The following IL1RAPL2 variants were observed in gnomAD, a reference collection of about 807,000 sequenced individuals.
IL1RAPL2 encodes interleukin 1 receptor accessory protein like 2.
Under a neutral mutation model 44.1 loss-of-function variants are expected in IL1RAPL2, and 3 were observed. The ratio of observed to expected loss-of-function variants is 0.07; its 90% confidence interval spans 0.03 to 0.18. The LOEUF (loss-of-function observed/expected upper bound fraction) is 0.18. Ranked by LOEUF, IL1RAPL2 falls within the 10% of genes least tolerant of loss-of-function variation. The pLI is 1.00. For synonymous variants in IL1RAPL2, 181 were observed against 178.8 expected, an observed-to-expected ratio of 1.01 and a Z score of -0.10; for missense variants, 391 against 496.4, an observed-to-expected ratio of 0.79 and a Z score of 2.02.
At chrX:105,337,832 A>G (rs2035040282) in intron 5 of IL1RAPL2, among the ~76,000 whole-genome samples, 1 of 110,875 alleles carries the variant, frequency 9.0e-6, no homozygotes, top group South Asian at 3.9e-4. Flanking sequence ...CAGAGCTTGC[A>G]GTGAGCCGAG....
intron 2 of IL1RAPL2, among the ~76,000 whole-genome samples, chrX:105,165,999 T>G (rs1040303616): frequency 1.8e-5 from 2 of 111,852 alleles, no homozygotes; most frequent in African/African-American, 6.5e-5. Context: ...TCCTTGAATT[T>G]GAATATTGGC....
intron 2 of IL1RAPL2, among the ~76,000 whole-genome samples, chrX:104,696,987 G>A (rs1041698055): frequency 1.8e-5 from 2 of 112,299 alleles, no homozygotes; most frequent in Non-Finnish European, 3.8e-5. Flanking sequence ...CTTGATATGT[G>A]AATATCTGGA....
intron 2 of IL1RAPL2, among the ~76,000 whole-genome samples, chrX:104,957,266 G>C (rs781159619): frequency 0.083 from 2 of 24 alleles, no homozygotes; most frequent in South Asian, 0.67. Context: ...AGTGAGCTTG[G>C]AAATCCTCAG....
In IL1RAPL2 at chrX:105,677,450, C is replaced by G. The variant is rs142055680; in HGVS notation, c.773-39917C>G. ...TGTAATTTCCTCTACTCCTAATCAC[C>G]AGGCTCTATAGAACAAACAAAGAGA... On this transcript the variant is annotated intron_variant, in intron 6 of 10. Transcript: ENST00000372582. 2.0e-3 allele frequency among the ~76,000 whole-genome samples: 227 copies of G among 112,328 alleles called. 3 individuals carry two copies. The East Asian group carries it at 0.045, about 22-fold the overall frequency.
intron 6 of IL1RAPL2, among the ~76,000 whole-genome samples, chrX:105,561,395 G>T (rs145137273): frequency 0.016 from 1,823 of 111,521 alleles, 33 homozygotes; most frequent in African/African-American, 0.056. Flanking sequence ...TGTTGAACTG[G>T]CAGAAATCTT....
At chrX:105,730,584 A>G (rs894352819) in intron 7 of IL1RAPL2, among the ~76,000 whole-genome samples, 5 of 111,376 alleles carry the variant, frequency 4.5e-5, no homozygotes, top group Non-Finnish European at 9.5e-5. Flanking sequence ...CAGCACATCA[A>G]CATTCTCAAG....
At chrX:105,147,061 A>G (rs922125070) in intron 2 of IL1RAPL2, among the ~76,000 whole-genome samples, 1 of 111,317 alleles carries the variant, frequency 9.0e-6, no homozygotes, top group Admixed American at 9.6e-5. Context: ...GACATTTAGA[A>G]CAAAGAAGGG....
intron 2 of IL1RAPL2, among the ~76,000 whole-genome samples, chrX:104,881,035 TA>T (rs1426736940): frequency 1.8e-5 from 2 of 111,909 alleles, no homozygotes; most frequent in African/African-American, 3.2e-5. Context: ...AGCAGTTTAA[TA>T]TTTTTTTAAG....
intron 2 of IL1RAPL2, among the ~76,000 whole-genome samples, chrX:104,731,334 G>C (rs1931912940): frequency 1.8e-5 from 2 of 110,467 alleles, no homozygotes; most frequent in African/African-American, 6.6e-5. Context: ...TTTTCTTCTA[G>C]GGTTTTTATG....
chrX:104,708,094 T>C lies in IL1RAPL2; in HGVS notation c.82+49099T>C, dbSNP rs748854331. On this transcript the variant is annotated intron_variant, in intron 2 of 10. Coordinates refer to ENST00000372582, the MANE Select transcript of IL1RAPL2 (RefSeq NM_017416.2). ...TGGTCTGGATTAATGTTTTTGCCACTTGCAGCTCTGCAAATATCCCTGCTT... is the reference window on the plus strand; with the variant it reads ...TGGTCTGGATTAATGTTTTTGCCACCTGCAGCTCTGCAAATATCCCTGCTT... Among the ~76,000 whole-genome samples, 160 of 111,801 alleles carry C rather than the reference T, an allele frequency of 1.4e-3. 1 individual carries two copies. The highest frequency in any genetic ancestry group is 4.8e-3 in the African/African-American group (148 of 30,899).
At chrX:105,603,357 G>A (rs915762898) in intron 6 of IL1RAPL2, among the ~76,000 whole-genome samples, 4 of 110,251 alleles carry the variant, frequency 3.6e-5, no homozygotes, top group Non-Finnish European at 7.6e-5. Context: ...TTACAAAAAT[G>A]GAAACCAAAA....
chrX:105,353,839 C>G (rs776077283), intron 5 of IL1RAPL2, among the ~76,000 whole-genome samples: 1 of 111,262 alleles, frequency 9.0e-6, no homozygotes, highest in Admixed American at 9.6e-5. Flanking sequence ...TGGGCTGAGG[C>G]GATGGGGTTT....
chrX:105,447,075 TTA>T (rs1205983853), intron 5 of IL1RAPL2, among the ~76,000 whole-genome samples: 277 of 16,884 alleles, frequency 0.016, 17 homozygotes, highest in South Asian at 0.028. Context: ...CTGGTTAAAA[TTA>T]TATATATATA....
At chrX:105,326,454 T>C (rs1044774935) in intron 5 of IL1RAPL2, among the ~76,000 whole-genome samples, 3 of 111,265 alleles carry the variant, frequency 2.7e-5, no homozygotes, top group Non-Finnish European at 5.7e-5. Context: ...GTTGCTTGCG[T>C]GTTGTTGTCT....
At chrX:105,604,324 C>A (rs2037276778) in intron 6 of IL1RAPL2, among the ~76,000 whole-genome samples, 1 of 110,686 alleles carries the variant, frequency 9.0e-6, no homozygotes, top group African/African-American at 3.3e-5. Flanking sequence ...GGCATTAAAA[C>A]TTATACCACA....
At chrX:105,147,368 G>A (rs934541945) in intron 2 of IL1RAPL2, among the ~76,000 whole-genome samples, 1 of 111,035 alleles carries the variant, frequency 9.0e-6, no homozygotes, top group Admixed American at 9.6e-5. Flanking sequence ...TGCATGAGGG[G>A]AGGACAAGAA....
intron 1 of IL1RAPL2, chrX:104,647,619 T>G: frequency 3.8e-6 from 2 of 533,302 alleles, no homozygotes; most frequent in South Asian, 4.8e-5. Flanking sequence ...ACCACCGACT[T>G]GAGGATCTTG....
chrX:104,821,079 C>T (rs925289128), intron 2 of IL1RAPL2, among the ~76,000 whole-genome samples: 7 of 111,700 alleles, frequency 6.3e-5, no homozygotes, highest in African/African-American at 1.9e-4. Flanking sequence ...AACTTGTCTC[C>T]AATTCTTATG....
chrX:105,691,536 G>C (rs1476370280), intron 6 of IL1RAPL2, among the ~76,000 whole-genome samples: 1 of 111,609 alleles, frequency 9.0e-6, no homozygotes, highest in Admixed American at 9.6e-5. Context: ...AATTAGTAGA[G>C]TGCAAAATAA....
Sources: allele counts gnomAD v4.1 joint callset (sites outside exome capture counted in the v4.1 genomes callset), GRCh38; gene constraint gnomAD v4.1.1; transcripts MANE v1.5; gene names NCBI Gene and HGNC (gene_info 2026-07-23, HGNC 2026-07-21).